The following PPP1R14C variants were observed in gnomAD, a reference collection of about 807,000 sequenced individuals.
PPP1R14C encodes protein phosphatase 1 regulatory subunit 14C.
Under a neutral mutation model 20.4 loss-of-function variants are expected in PPP1R14C, and 16 were observed. That is an observed-to-expected ratio of 0.78 (90% CI 0.53 to 1.19). The LOEUF (loss-of-function observed/expected upper bound fraction) is 1.19. Among genes scored for constraint, PPP1R14C ranks in the 50% most tolerant of loss-of-function variants. PPP1R14C has a pLI of 0.00. For missense variants in PPP1R14C, 211 were observed against 220.1 expected (o/e 0.96, Z 0.26); for synonymous variants, 91 against 91.0 (o/e 1.00, Z 0.00).
At chr6:150,231,519 C>T (rs1200895120) in intron 3 of PPP1R14C, among the ~76,000 whole-genome samples, 2 of 152,168 alleles carry the variant, frequency 1.3e-5, no homozygotes, top group Admixed American at 6.5e-5. Context: ...TCAGTGTCTC[C>T]TCTCTCTTTT....
intron 1 of PPP1R14C, among the ~76,000 whole-genome samples, chr6:150,206,691 G>A (rs565365362): frequency 3.9e-5 from 6 of 152,316 alleles, no homozygotes; most frequent in African/African-American, 4.8e-5. Flanking sequence ...TTGCATCTGC[G>A]TCAGTGCCCC....
rs372364646 is a variant in PPP1R14C at position 150,175,627 on chromosome 6, C to G, written c.306+32129C>G. ...GCAAGGAAGTTACTTTGACATCTCC[C>G]TGGTGGTGCCCAGGTACAGACGGTG... On this transcript the variant is annotated intron_variant, in intron 1 of 3. Transcript: ENST00000361131. 2.0e-5 allele frequency among the ~76,000 whole-genome samples: 3 copies of G among 152,152 alleles called. No homozygotes were observed. The East Asian group carries it at 5.8e-4, about 29-fold the overall frequency.
chr6:150,209,447 T>C (rs986981482), intron 1 of PPP1R14C, among the ~76,000 whole-genome samples: 3 of 152,214 alleles, frequency 2.0e-5, no homozygotes, highest in Non-Finnish European at 4.4e-5. Flanking sequence ...TATGTGTGTA[T>C]GTGTGCATGT....
At chr6:150,182,889 T>A (rs1777637678) in intron 1 of PPP1R14C, among the ~76,000 whole-genome samples, 1 of 152,238 alleles carries the variant, frequency 6.6e-6, no homozygotes, top group African/African-American at 2.4e-5. Flanking sequence ...CACAGCCTAT[T>A]ACTCCTAGGC....
In PPP1R14C at chr6:150,143,617, G is replaced by T; in HGVS notation, c.306+119G>T. On this transcript the variant is annotated intron_variant, in intron 1 of 3. Coordinates refer to ENST00000361131, the MANE Select transcript of PPP1R14C (RefSeq NM_030949.3). The surrounding 1 kb of genome is among the most constrained non-coding windows in gnomAD (Gnocchi z 5.6). ...TGTCCCTGACTCCCGGGGACCAAGT[G>T]CCAGGAGCGAGGCGCGGCGCCTTCT... 3 of 743,270 alleles carry T rather than the reference G, an allele frequency of 4.0e-6. No homozygotes were observed. The highest frequency in any genetic ancestry group is 6.3e-6 in the Non-Finnish European group (3 of 473,362). The allele number at this position is 743,270 out of a possible 1,614,324, so 46.0% of individuals were successfully genotyped here.
intron 1 of PPP1R14C, among the ~76,000 whole-genome samples, chr6:150,176,125 T>C (rs536370762): frequency 1.3e-5 from 2 of 152,310 alleles, no homozygotes; most frequent in Non-Finnish European, 2.9e-5. Flanking sequence ...AGAGTGTTCT[T>C]ATAATTGGGG....
At chr6:150,167,850 C>T (rs1377007037) in intron 1 of PPP1R14C, among the ~76,000 whole-genome samples, 3 of 123,990 alleles carry the variant, frequency 2.4e-5, no homozygotes, top group African/African-American at 8.6e-5. Flanking sequence ...GAGTTGAATA[C>T]TAGTTATCTG....
chr6:150,240,407 C>T (rs910160135), intron 3 of PPP1R14C, among the ~76,000 whole-genome samples: 4 of 152,290 alleles, frequency 2.6e-5, no homozygotes, highest in South Asian at 2.1e-4. Context: ...AACGAAGGTA[C>T]GCCCCACAGA....
At chr6:150,168,469 C>T (rs954259711) in intron 1 of PPP1R14C, among the ~76,000 whole-genome samples, 1 of 152,030 alleles carries the variant, frequency 6.6e-6, no homozygotes, top group East Asian at 1.9e-4. Context: ...GGAGGCGGAG[C>T]TTGCAGTGAG....
At chr6:150,204,072 G>A (rs1777911983) in intron 1 of PPP1R14C, among the ~76,000 whole-genome samples, 1 of 152,232 alleles carries the variant, frequency 6.6e-6, no homozygotes, top group African/African-American at 2.4e-5. Context: ...AGAAAGAAGG[G>A]CCCTGAGAAG....
intron 1 of PPP1R14C, among the ~76,000 whole-genome samples, chr6:150,189,860 A>C (rs556593822): frequency 2.6e-4 from 39 of 152,258 alleles, no homozygotes; most frequent in African/African-American, 9.4e-4. Flanking sequence ...GTTCTAACTG[A>C]ATCCAGCAGC....
At chr6:150,217,823 C>G (rs1187630417) in intron 3 of PPP1R14C, among the ~76,000 whole-genome samples, 1 of 152,124 alleles carries the variant, frequency 6.6e-6, no homozygotes, top group Non-Finnish European at 1.5e-5. Flanking sequence ...GATAAGACTT[C>G]TGATTTTTGA....
intron 1 of PPP1R14C, among the ~76,000 whole-genome samples, chr6:150,203,171 C>T (rs1279510119): frequency 6.6e-6 from 1 of 152,182 alleles, no homozygotes; most frequent in African/African-American, 2.4e-5. Flanking sequence ...TATAAGATCA[C>T]ACAGGTTTTC....
chr6:150,218,163 G>C (rs756735967), intron 3 of PPP1R14C, among the ~76,000 whole-genome samples: 3 of 152,110 alleles, frequency 2.0e-5, no homozygotes, highest in East Asian at 3.9e-4. Flanking sequence ...CAGCACTTTG[G>C]GGGGCCGAGA....
chr6:150,228,831 T>G (rs1778259696), intron 3 of PPP1R14C, among the ~76,000 whole-genome samples: 1 of 152,100 alleles, frequency 6.6e-6, no homozygotes. Context: ...ACAATAATAA[T>G]AATAGTGATC....
chr6:150,211,295 C>T (rs1428583795), intron 1 of PPP1R14C, among the ~76,000 whole-genome samples: 7 of 152,174 alleles, frequency 4.6e-5, no homozygotes, highest in Non-Finnish European at 7.3e-5. Flanking sequence ...AACAAATGTA[C>T]GACAAGAAAG....
intron 3 of PPP1R14C, among the ~76,000 whole-genome samples, chr6:150,238,205 C>G (rs1333150882): frequency 6.6e-6 from 1 of 152,202 alleles, no homozygotes; most frequent in Admixed American, 6.5e-5. Context: ...ATAGATACTG[C>G]TTGTCTTGAA....
chr6:150,168,474 A>C (rs1238079889), intron 1 of PPP1R14C, among the ~76,000 whole-genome samples: 2 of 152,152 alleles, frequency 1.3e-5, no homozygotes. Context: ...CGGAGCTTGC[A>C]GTGAGCCGAG....
chr6:150,168,389 T>C lies in PPP1R14C; in HGVS notation c.306+24891T>C, dbSNP rs576681195. On this transcript the variant is annotated intron_variant, in intron 1 of 3. Transcript: ENST00000361131. ...GTCTCTACTAAAAATACAGATTACC[T>C]GGGCGTAGTGGCGGGCGCCTGTAGT... 8.6e-5 allele frequency among the ~76,000 whole-genome samples: 13 copies of C among 151,908 alleles called. No individual in the cohort carries two copies. In the East Asian group the frequency reaches 2.0e-3, roughly 23 times the overall value.
Sources: allele counts gnomAD v4.1 joint callset (sites outside exome capture counted in the v4.1 genomes callset), GRCh38; gene constraint gnomAD v4.1.1; non-coding constraint Gnocchi (gnomAD v3.1); transcripts MANE v1.5; gene names NCBI Gene and HGNC (gene_info 2026-07-23, HGNC 2026-07-21).